GRIK2: variants seen among roughly 807,000 people sequenced by gnomAD.
GRIK2 encodes glutamate receptor ionotropic, kainate 2.
A neutral mutation model predicts 100.3 loss-of-function variants in GRIK2; 32 were observed. The observed-to-expected ratio is 0.32, with a 90% CI of 0.24 to 0.43. The LOEUF is 0.43. Among genes scored for constraint, GRIK2 ranks in the 20% least tolerant of loss-of-function variants. The pLI, the probability that GRIK2 is intolerant of heterozygous loss-of-function variation, is 1.00. For synonymous variants in GRIK2, 417 were observed against 389.4 expected (o/e 1.07, Z -0.83); for missense variants, 843 against 1,114.9 (o/e 0.76, Z 3.47).
intron 12 of GRIK2, among the ~76,000 whole-genome samples, chr6:101,916,705 C>T (rs1039909639): frequency 6.6e-6 from 1 of 151,496 alleles, no homozygotes; most frequent in Non-Finnish European, 1.5e-5. Context: ...AATTTTTATA[C>T]TAATGTAATA....
chr6:101,622,029 A>G lies in GRIK2; in HGVS notation c.196A>G (p.Arg66Gly), dbSNP rs1237054198. Residue 66 changes from arginine (R) to glycine (G), a missense_variant, in exon 3 of 17, where the codon AGA (arginine) becomes GGA (glycine). Physicochemically the swap from Arg to Gly is moderately radical, Grantham distance 125 (BLOSUM62 -2). Coordinates refer to ENST00000369134, the MANE Select transcript of GRIK2 (RefSeq NM_021956.5). ...CAGATTTGCTGTGAACACAATTAAC[A>G]GAAACAGAACATTGCTACCCAATAC... is the stretch of plus-strand genomic sequence containing the variant. ...AFRFAVNTIN[R>G]NRTLLPNTTL... 1 of 1,605,766 alleles carries G rather than the reference A, an allele frequency of 6.2e-7. No individual in the cohort carries two copies. The highest frequency in any genetic ancestry group is 1.7e-5 in the Admixed American group (1 of 59,982).
chr6:101,534,602 G>A (rs1365867660), intron 2 of GRIK2, among the ~76,000 whole-genome samples: 2 of 151,668 alleles, frequency 1.3e-5, no homozygotes, highest in Non-Finnish European at 2.9e-5. Context: ...TCCACTTAGT[G>A]GTTTTAGTTA....
chr6:101,787,006 C>A (rs976877575), intron 7 of GRIK2, among the ~76,000 whole-genome samples: 1 of 151,838 alleles, frequency 6.6e-6, no homozygotes, highest in African/African-American at 2.4e-5. Context: ...TCTTATTAGC[C>A]TGTTCAGTTT....
At chr6:101,924,807 A>G (rs1023521836) in intron 13 of GRIK2, 88 bp downstream of exon 13, 2 of 804,170 alleles carry the variant, frequency 2.5e-6, no homozygotes, top group Non-Finnish European at 2.2e-6. Flanking sequence ...AGTCGCTTGC[A>G]TGGGTGCCTC....
intron 4 of GRIK2, among the ~76,000 whole-genome samples, chr6:101,648,457 A>T (rs559813922): frequency 6.6e-6 from 1 of 152,250 alleles, no homozygotes; most frequent in African/African-American, 2.4e-5. Flanking sequence ...ATGAATTGTT[A>T]GGCCATATTA....
chr6:101,529,036 A>G (rs1257867795), intron 2 of GRIK2, among the ~76,000 whole-genome samples: 2 of 152,144 alleles, frequency 1.3e-5, no homozygotes, highest in African/African-American at 4.8e-5. Flanking sequence ...TAAGTGGTCC[A>G]GATGGAGTAT....
chr6:101,451,813 T>C (rs1255651075), intron 2 of GRIK2, among the ~76,000 whole-genome samples: 1 of 151,706 alleles, frequency 6.6e-6, no homozygotes, highest in African/African-American at 2.4e-5. Context: ...TTCATCACTC[T>C]TTTAGTGAAA....
intron 2 of GRIK2, among the ~76,000 whole-genome samples, chr6:101,567,964 A>G (rs910884159): frequency 6.6e-6 from 1 of 151,994 alleles, no homozygotes; most frequent in African/African-American, 2.4e-5. Context: ...ACAAAGGCAA[A>G]TATTTAGATG....
intron 14 of GRIK2, among the ~76,000 whole-genome samples, chr6:101,958,735 T>C (rs1792101781): frequency 6.6e-6 from 1 of 152,010 alleles, no homozygotes; most frequent in Admixed American, 6.6e-5. Flanking sequence ...TTATCATTAA[T>C]GGGTGCTGAA....
At chr6:101,980,376 T>C (rs896854010) in intron 14 of GRIK2, among the ~76,000 whole-genome samples, 2 of 151,972 alleles carry the variant, frequency 1.3e-5, no homozygotes, top group African/African-American at 4.8e-5. Context: ...ATTTTAGAGA[T>C]CTATCAGTAG....
At chr6:101,834,615 A>G (rs759765859) in intron 10 of GRIK2, among the ~76,000 whole-genome samples, 1 of 152,196 alleles carries the variant, frequency 6.6e-6, no homozygotes, top group Non-Finnish European at 1.5e-5. Flanking sequence ...ATTTCAGATA[A>G]CAGTTATTTA....
rs116834654 is a variant in GRIK2, at chr6:102,041,538, G to C, written c.2311+5972G>C. On this transcript the variant is annotated intron_variant, in intron 15 of 16. Coordinates refer to ENST00000369134, the MANE Select transcript of GRIK2 (RefSeq NM_021956.5). ...CCCTCATGTGACAGACATATTCATA[G>C]CATGTTGCATGGAGTCTTTGGCCTT... is the stretch of plus-strand genomic sequence containing the variant. Among the ~76,000 whole-genome samples the C allele has an allele frequency of 2.4e-3, 357 of 151,600 alleles. 2 individuals carry two copies. The highest frequency in any genetic ancestry group is 8.5e-3 in the African/African-American group (352 of 41,460).
intron 14 of GRIK2, among the ~76,000 whole-genome samples, chr6:101,995,175 A>G (rs904132165): frequency 5.9e-5 from 9 of 151,974 alleles, no homozygotes; most frequent in African/African-American, 1.7e-4. Context: ...CCATCACATG[A>G]GATGAGAACA....
chr6:101,514,251 A>G (rs1582619477), intron 2 of GRIK2, among the ~76,000 whole-genome samples: 1 of 151,906 alleles, frequency 6.6e-6, no homozygotes, highest in African/African-American at 2.4e-5. Context: ...CTCCAGATGA[A>G]TCATAGACAC....
chr6:101,498,125 T>G (rs919033170), intron 2 of GRIK2, among the ~76,000 whole-genome samples: 1 of 149,064 alleles, frequency 6.7e-6, no homozygotes, highest in African/African-American at 2.5e-5. Context: ...GTGTTTGGTT[T>G]TTTGTCCTTG....
At chr6:101,777,016 C>A (rs1778788466) in intron 7 of GRIK2, among the ~76,000 whole-genome samples, 1 of 152,202 alleles carries the variant, frequency 6.6e-6, no homozygotes, top group East Asian at 1.9e-4. Flanking sequence ...CAACACCTGC[C>A]TATGCACCAT....
chr6:101,950,986 G>A (rs1340267), intron 14 of GRIK2, among the ~76,000 whole-genome samples: 5,116 of 152,170 alleles, frequency 0.034, 304 homozygotes, highest in African/African-American at 0.12. Context: ...AAGTTTAAGC[G>A]TCATTGTAGT....
rs557613074 is a variant in GRIK2 at position 101,703,374 on chromosome 6, A to G, written c.951+17021A>G. Among the ~76,000 whole-genome samples the G allele has an allele frequency of 1.1e-4, 17 of 151,996 alleles. No individual in the cohort carries two copies. The South Asian group carries it at 3.3e-3, about 30-fold the overall frequency. On this transcript the variant is annotated intron_variant, in intron 7 of 16. Transcript: ENST00000369134. ...TCTAATTTCAGGAAGACTAGAGAAGAAAGTGTTTTGAGAAGGACATGGTCA... is the reference window on the plus strand; with the variant it reads ...TCTAATTTCAGGAAGACTAGAGAAGGAAGTGTTTTGAGAAGGACATGGTCA...
intron 14 of GRIK2, among the ~76,000 whole-genome samples, chr6:102,013,427 T>C (rs1175662782): frequency 6.6e-6 from 1 of 152,100 alleles, no homozygotes; most frequent in African/African-American, 2.4e-5. Flanking sequence ...TCGTTTATTT[T>C]TTTCTCATGC....
Sources: allele counts gnomAD v4.1 joint callset (sites outside exome capture counted in the v4.1 genomes callset), GRCh38; gene constraint gnomAD v4.1.1; transcripts MANE v1.5; gene names NCBI Gene and HGNC (gene_info 2026-07-23, HGNC 2026-07-21).